CCDC144A: variants seen among roughly 807,000 people sequenced by gnomAD.
CCDC144A encodes the protein coiled-coil domain containing 144A.
Under a neutral mutation model 143.8 loss-of-function variants are expected in CCDC144A, and 41 were observed. The observed-to-expected ratio is 0.29, with a 90% CI of 0.22 to 0.37. The LOEUF is 0.37. Ranked by LOEUF, CCDC144A falls within the 10% of genes least tolerant of loss-of-function variation. The probability of loss-of-function intolerance (pLI) is 1.00; values close to 1 mark genes in which losing one functional copy is unlikely to be tolerated. For missense variants in CCDC144A, 637 were observed against 1,488.8 expected (o/e 0.43, Z 9.41); for synonymous variants, 242 against 517.9 (o/e 0.47, Z 7.23).
chr17:16,668,576 A>C, the CCDC144A span, among the ~76,000 whole-genome samples: 1 of 152,158 alleles, frequency 6.6e-6, no homozygotes, highest in Non-Finnish European at 1.5e-5. Flanking sequence ...ATGAAAGTGC[A>C]TTTTTAATTT....
At chr17:16,745,879 C>T in intron 12 of CCDC144A, 2 of 1,594,696 alleles carry the variant, frequency 1.3e-6, no homozygotes, top group Non-Finnish European at 1.7e-6. Context: ...TTCCCTCTGT[C>T]TTGGCCAGGT....
chr17:16,759,831 C>G (rs3869485), intron 12 of CCDC144A, among the ~76,000 whole-genome samples: 14 of 151,238 alleles, frequency 9.3e-5, no homozygotes, highest in African/African-American at 2.2e-4. Context: ...TGGTATATAA[C>G]AAAATGCAGT....
At chr17:16,679,289 G>A in the CCDC144A span, among the ~76,000 whole-genome samples, 1 of 151,818 alleles carries the variant, frequency 6.6e-6, no homozygotes, top group African/African-American at 2.4e-5. Context: ...ATAGGTAGGG[G>A]GTGTATTTTG....
chr17:16,729,987 T>TATATATATATATAC (rs1913652853), intron 9 of CCDC144A, among the ~76,000 whole-genome samples: 1 of 122,738 alleles, frequency 8.1e-6, no homozygotes, highest in African/African-American at 2.9e-5. Context: ...TATATATATA[T>TATATATATATATAC]ATATACACAC....
chr17:16,682,202 G>T, the CCDC144A span, among the ~76,000 whole-genome samples: 3 of 145,220 alleles, frequency 2.1e-5, no homozygotes, highest in South Asian at 4.5e-4. Context: ...TCTGAAAATG[G>T]GTGTGTGTGT....
In CCDC144A at chr17:16,690,571, C is replaced by T. The variant is rs1910998113; in HGVS notation, c.171C>T (p.Ser57=). Residue 57 remains serine (S), a synonymous_variant, in exon 1 of 17, where the codon AGC becomes AGT. Coordinates refer to ENST00000399273, the MANE Select transcript of CCDC144A (RefSeq NM_001382000.1). The part of the protein sequence containing the change: ...SGFPYSWWKN[S]VGSESKHGEG... ...TCCCCTACAGCTGGTGGAAAAACAGCGTCGGCAGCGAGAGCAAGCACGGTG... is the reference window on the plus strand; with the variant it reads ...TCCCCTACAGCTGGTGGAAAAACAGTGTCGGCAGCGAGAGCAAGCACGGTG... 1.2e-6 allele frequency: 2 copies of T among 1,613,762 alleles called. No homozygotes were observed. Among genetic ancestry groups the T allele is most frequent in the Non-Finnish European group, 1.7e-6 (2 of 1,179,852 alleles).
chr17:16,667,318 G>GGGGTT, the CCDC144A span, among the ~76,000 whole-genome samples: 1 of 144,898 alleles, frequency 6.9e-6, no homozygotes, highest in African/African-American at 2.7e-5. Flanking sequence ...GAGGGGCTGA[G>GGGGTT]GAGGCTGAGG....
chr17:16,685,651 G>A (rs1456838984), upstream of CCDC144A, among the ~76,000 whole-genome samples: 1 of 152,160 alleles, frequency 6.6e-6, no homozygotes, highest in Admixed American at 6.5e-5. Context: ...CCAAAGTGCT[G>A]GGATTACAGT....
the CCDC144A span, among the ~76,000 whole-genome samples, chr17:16,680,690 GA>G: frequency 6.8e-6 from 1 of 146,080 alleles, no homozygotes; most frequent in East Asian, 2.0e-4. Context: ...AAAGAAGGAA[GA>G]AAAAAGGAAG....
intron 2 of CCDC144A, among the ~76,000 whole-genome samples, chr17:16,699,228 A>G (rs1209275684): frequency 6.7e-6 from 1 of 149,460 alleles, no homozygotes; most frequent in Non-Finnish European, 1.5e-5. Context: ...GAAATTGGTA[A>G]TCTGTGATTT....
chr17:16,682,885 T>TG, the CCDC144A span, among the ~76,000 whole-genome samples: 1 of 47,668 alleles, frequency 2.1e-5, no homozygotes. Context: ...GATTCTCTGT[T>TG]TTTTTTTTTT....
the CCDC144A span, among the ~76,000 whole-genome samples, chr17:16,673,681 C>A: frequency 6.6e-6 from 1 of 152,066 alleles, no homozygotes; most frequent in Non-Finnish European, 1.5e-5. Flanking sequence ...CCACCACGCC[C>A]GGCCTATCTT....
rs1422309546 is a variant in CCDC144A at position 16,709,552 on chromosome 17, A to G, written c.1495A>G (p.Met499Val). 1.9e-6 allele frequency: 3 copies of G among 1,611,518 alleles called. No homozygotes were observed. Among genetic ancestry groups the G allele is most frequent in the African/African-American group, 2.7e-5 (2 of 74,842 alleles). The change falls in exon 5 of 17, where the codon ATG becomes GTG. Residue 499 changes from methionine to valine, a missense_variant. Coordinates refer to ENST00000399273, the MANE Select transcript of CCDC144A (RefSeq NM_001382000.1). ...VYLHEELQQD[M>V]QKFKNEVNTL... ...TCTACATGAAGAATTACAGCAAGAC[A>G]TGCAAAAGTTTAAGAATGAGGTCAA...
In CCDC144A at chr17:16,732,611, T is replaced by C; in HGVS notation, c.2363T>C (p.Ile788Thr). Residue 788 changes from isoleucine (I) to threonine (T), a missense_variant, in exon 11 of 17, where the codon ATT (isoleucine) becomes ACT (threonine). Transcript: ENST00000399273. ...EQDARILQDQ[I>T]LTSKQKELEM... ...GATGCCAGAATATTACAAGATCAGATTCTGACGAGTAAACAAAAGGAACTA... is the reference window on the plus strand; with the variant it reads ...GATGCCAGAATATTACAAGATCAGACTCTGACGAGTAAACAAAAGGAACTA... The C allele has an allele frequency of 6.2e-7, 1 of 1,611,536 alleles. No homozygotes were observed. Among genetic ancestry groups the C allele is most frequent in the Non-Finnish European group, 8.5e-7 (1 of 1,179,092 alleles).
At chr17:16,696,743 T>C (rs1006391464) in intron 2 of CCDC144A, among the ~76,000 whole-genome samples, 10 of 151,690 alleles carry the variant, frequency 6.6e-5, no homozygotes, top group Non-Finnish European at 1.3e-4. Flanking sequence ...AAATACTAGA[T>C]GACCTAACTA....
the CCDC144A span, among the ~76,000 whole-genome samples, chr17:16,673,771 A>G: frequency 5.3e-5 from 8 of 152,168 alleles, no homozygotes; most frequent in Non-Finnish European, 1.0e-4. Flanking sequence ...TTTTGTTATT[A>G]CAGGCAGAAC....
intron 2 of CCDC144A, among the ~76,000 whole-genome samples, chr17:16,696,423 A>T (rs1039655546): frequency 5.3e-5 from 8 of 151,212 alleles, no homozygotes; most frequent in African/African-American, 1.9e-4. Flanking sequence ...CAAGGTCAGG[A>T]GATCGAGACC....
chr17:16,703,629 C>T (rs1911860691), intron 2 of CCDC144A, among the ~76,000 whole-genome samples: 2 of 151,980 alleles, frequency 1.3e-5, no homozygotes, highest in African/African-American at 4.8e-5. Flanking sequence ...ACGGTGAAAC[C>T]CCGTCTCTAC....
At chr17:16,756,114 C>A (rs914784422) in intron 12 of CCDC144A, among the ~76,000 whole-genome samples, 1 of 152,156 alleles carries the variant, frequency 6.6e-6, no homozygotes, top group African/African-American at 2.4e-5. Flanking sequence ...CTTTGGGGAT[C>A]TTTGAGACAT....
Sources: allele counts gnomAD v4.1 joint callset (sites outside exome capture counted in the v4.1 genomes callset), GRCh38; gene constraint gnomAD v4.1.1; transcripts MANE v1.5; gene names NCBI Gene and HGNC (gene_info 2026-07-23, HGNC 2026-07-21).